The following SYT11 variants were observed in gnomAD, a reference collection of about 807,000 sequenced individuals.
The protein encoded by SYT11 is synaptotagmin 11, also known as synaptotagmin-11.
A neutral mutation model predicts 30.4 loss-of-function variants in SYT11; 12 were observed. The ratio of observed to expected loss-of-function variants is 0.39; its 90% CI spans 0.25 to 0.64. The LOEUF is 0.64. SYT11 is among the 30% of genes least tolerant of loss of function. SYT11 has a pLI of 0.45. For synonymous variants in SYT11, 204 were observed against 216.0 expected (o/e 0.94, Z 0.49); for missense variants, 412 against 552.0 (o/e 0.75, Z 2.54).
intron 2 of SYT11, among the ~76,000 whole-genome samples, chr1:155,873,507 C>T (rs1255915783): frequency 2.0e-5 from 3 of 152,180 alleles, no homozygotes; most frequent in Non-Finnish European, 2.9e-5. Context: ...TTAAAGACTG[C>T]ATATTTAGTA....
rs142925260 is a variant in SYT11, at chr1:155,868,141, A to C, written c.211A>C (p.Asn71His). 2.3e-4 allele frequency: 366 copies of C among 1,613,928 alleles called. 1 individual carries two copies. Among genetic ancestry groups the C allele is most frequent in the Admixed American group, 2.2e-4 (13 of 59,984 alleles). Residue 71 changes from asparagine (N) to histidine (H), a missense_variant, in exon 2 of 4, where the codon AAC (asparagine) becomes CAC (histidine). By Grantham distance (68) the Asn-to-His change is moderately conservative (BLOSUM62 1). Coordinates refer to ENST00000368324, the MANE Select transcript of SYT11 (RefSeq NM_152280.5). This position sits in a 1 kb window ranked among gnomAD's most constrained non-coding sequence, Gnocchi z 4.7. ...GISIYPETLS[N>H]KKKIIKVRRD... ...CAGCATATACCCAGAGACCCTCAGCAACAAGAAGAAAATCATCAAAGTGCG... is the reference window on the plus strand; with the variant it reads ...CAGCATATACCCAGAGACCCTCAGCCACAAGAAGAAAATCATCAAAGTGCG...
intron 2 of SYT11, among the ~76,000 whole-genome samples, chr1:155,874,011 T>C (rs1672819531): frequency 6.6e-6 from 1 of 152,362 alleles, no homozygotes; most frequent in South Asian, 2.1e-4. Context: ...AATTCAAAAC[T>C]GGCTGAGGGC....
At chr1:155,865,623 T>G (rs1672660248) in intron 1 of SYT11, among the ~76,000 whole-genome samples, 2 of 149,204 alleles carry the variant, frequency 1.3e-5, no homozygotes, top group African/African-American at 4.9e-5. Context: ...AGCAAAACTC[T>G]GTCTCAAAAA....
intron 2 of SYT11, among the ~76,000 whole-genome samples, chr1:155,874,665 C>T (rs1053413483): frequency 2.7e-5 from 4 of 149,822 alleles, no homozygotes; most frequent in South Asian, 2.1e-4. Flanking sequence ...CCGAGGCAGG[C>T]GGATCACGAG....
Position 155,880,366 on chromosome 1 carries a change from G to T in SYT11, c.862-134G>T. 3 of 951,108 alleles carry T rather than the reference G, an allele frequency of 3.2e-6. No individual in the cohort carries two copies. The South Asian group carries it at 5.5e-5, about 17-fold the overall frequency. 58.9% of individuals were successfully genotyped at this position (951,108 alleles called of 1,614,324 possible). A position where few individuals can be genotyped will look rare whatever the true frequency, so the allele number is the denominator to read the frequency against. ...ATAAAATCATAACACCTTTCCAGGG[G>T]ATGAGCATCTTTCCAAAAAACTTAT... On this transcript the variant is annotated intron_variant, in intron 2 of 3. Coordinates refer to ENST00000368324, the MANE Select transcript of SYT11 (RefSeq NM_152280.5).
chr1:155,868,081 C>T lies in SYT11; in HGVS notation c.151C>T (p.Pro51Ser). The change falls in exon 2 of 4, where the codon CCA (proline) becomes TCA (serine). Residue 51 changes from proline (P) to serine (S), a missense_variant. By Grantham distance (74) the Pro-to-Ser change is moderately conservative. Coordinates refer to ENST00000368324, the MANE Select transcript of SYT11 (RefSeq NM_152280.5). The surrounding 1 kb of genome is among the most constrained non-coding windows in gnomAD (Gnocchi z 4.7). ...HQQAEKKQKN[P>S]PYKFIHMLKG... is the part of the protein sequence containing the mutation. ...GCAGGCAGAGAAGAAGCAGAAGAAC[C>T]CACCATACAAGTTTATTCACATGCT... The T allele has an allele frequency of 6.2e-7, 1 of 1,614,044 alleles. No homozygotes were observed. The highest frequency in any genetic ancestry group is 1.3e-5 in the African/African-American group (1 of 74,968).
chr1:155,869,325 C>A (rs1304823052), intron 2 of SYT11, among the ~76,000 whole-genome samples: 1 of 121,344 alleles, frequency 8.2e-6, no homozygotes, highest in African/African-American at 3.1e-5. Context: ...GGCTGGAGTG[C>A]AATGGCGCAA....
rs1294729485 is a variant in SYT11 at position 155,881,287 on chromosome 1, T to G, written c.1075T>G (p.Phe359Val). Reference sequence around the variant, plus strand: ...GAAGAAGTGCACTTTGAACCCCATCTTCAATGAATCTTTCATCTACGACAT... The same window carrying G: ...GAAGAAGTGCACTTTGAACCCCATCGTCAATGAATCTTTCATCTACGACAT... ...HVKKCTLNPIFNESFIYDIPT... is the reference protein window; with the variant it reads ...HVKKCTLNPIVNESFIYDIPT... Residue 359 changes from phenylalanine to valine, a missense_variant, in exon 4 of 4, where the codon TTC (phenylalanine) becomes GTC (valine). Coordinates refer to ENST00000368324, the MANE Select transcript of SYT11 (RefSeq NM_152280.5). 1 of 1,614,210 alleles carries G rather than the reference T, an allele frequency of 6.2e-7. No homozygotes were observed. The highest frequency in any genetic ancestry group is 1.7e-5 in the Admixed American group (1 of 60,024).
chr1:155,871,614 G>T (rs1672781845), intron 2 of SYT11, among the ~76,000 whole-genome samples: 1 of 152,232 alleles, frequency 6.6e-6, no homozygotes, highest in South Asian at 2.1e-4. Flanking sequence ...TAAGCTGCCA[G>T]GGGCTCTTGG....
chr1:155,864,551 A>G (rs1268169688), intron 1 of SYT11, among the ~76,000 whole-genome samples: 1 of 152,212 alleles, frequency 6.6e-6, no homozygotes, highest in African/African-American at 2.4e-5. Context: ...AAGGGAAAAC[A>G]GTAGGCATTA....
chr1:155,871,349 T>G (rs138757779), intron 2 of SYT11, among the ~76,000 whole-genome samples: 59 of 152,284 alleles, frequency 3.9e-4, no homozygotes, highest in African/African-American at 1.3e-3. Context: ...CTCTACTCCT[T>G]CCCTTGTCTA....
At chr1:155,880,199 A>G (rs912718391) in intron 2 of SYT11, among the ~76,000 whole-genome samples, 3 of 152,180 alleles carry the variant, frequency 2.0e-5, no homozygotes, top group Admixed American at 6.5e-5. Flanking sequence ...CTCAAAAAAA[A>G]AGAGAAATAG....
chr1:155,866,847 A>G (rs1380583816), intron 1 of SYT11, among the ~76,000 whole-genome samples: 1 of 152,196 alleles, frequency 6.6e-6, no homozygotes, highest in East Asian at 1.9e-4. Flanking sequence ...TTAAGGTAAT[A>G]ATAATGAAAA....
intron 1 of SYT11, among the ~76,000 whole-genome samples, chr1:155,861,873 C>T (rs1320934751): frequency 2.0e-5 from 3 of 152,204 alleles, no homozygotes; most frequent in African/African-American, 7.2e-5. Context: ...CTACCTTGGC[C>T]TCCCAAAGTC....
chr1:155,870,727 G>A (rs2102559701), intron 2 of SYT11, among the ~76,000 whole-genome samples: 1 of 152,296 alleles, frequency 6.6e-6, no homozygotes, highest in Non-Finnish European at 1.5e-5. Context: ...GAAGGGTACT[G>A]TGCCAAGTCT....
intron 2 of SYT11, among the ~76,000 whole-genome samples, 170 bp from the exon 3 acceptor site, chr1:155,880,330 C>T (rs896553359): frequency 6.6e-6 from 1 of 152,126 alleles, no homozygotes; most frequent in African/African-American, 2.4e-5. Context: ...TCCTTTCTCC[C>T]TCCTTGTTAA....
At position 155,877,947 on chromosome 1, in the gene SYT11, A is replaced by G. The variant is rs1672894769; in HGVS notation, c.862-2553A>G. The stretch of plus-strand genomic sequence containing the variant: ...CTCTGAAATAATAATAATTTTAATA[A>G]AATGATGACAACTGGCCAGGCATGG... On this transcript the variant is annotated intron_variant, in intron 2 of 3. Coordinates refer to ENST00000368324, the MANE Select transcript of SYT11 (RefSeq NM_152280.5). 2.0e-5 allele frequency among the ~76,000 whole-genome samples: 3 copies of G among 152,142 alleles called. No homozygotes were observed. In the South Asian group the frequency reaches 6.2e-4, roughly 32 times the overall value.
Position 155,860,787 on chromosome 1 carries a change from C to A in SYT11, c.34+992C>A, listed in dbSNP as rs887155336. Among the ~76,000 whole-genome samples, 14 of 152,162 alleles carry A rather than the reference C, an allele frequency of 9.2e-5. No homozygotes were observed. The highest frequency in any genetic ancestry group is 3.4e-4 in the African/African-American group (14 of 41,436). On this transcript the variant is annotated intron_variant, in intron 1 of 3. Transcript: ENST00000368324. This position sits in a 1 kb window ranked among gnomAD's most constrained non-coding sequence, Gnocchi z 4.1. ...TAGGGAAGAAGGTGGCAAAGACAAGCTTGAGAAGGAAGTTTTTTCCTCTTT... is the reference window on the plus strand; with the variant it reads ...TAGGGAAGAAGGTGGCAAAGACAAGATTGAGAAGGAAGTTTTTTCCTCTTT...
chr1:155,880,545 C>G lies in SYT11; in HGVS notation c.907C>G (p.Pro303Ala), dbSNP rs1196068668. 1 of 1,614,090 alleles carries G rather than the reference C, an allele frequency of 6.2e-7. No homozygotes were observed. Among genetic ancestry groups the G allele is most frequent in the Non-Finnish European group, 8.5e-7 (1 of 1,179,958 alleles). ...GELQVSLSYQ[P>A]VAQRMTVVVL... Reference sequence around the variant, plus strand: ...GCTCCAGGTGTCTCTGTCATATCAGCCTGTGGCACAGAGAATGACAGTGGT... The same window carrying G: ...GCTCCAGGTGTCTCTGTCATATCAGGCTGTGGCACAGAGAATGACAGTGGT... The change falls in exon 3 of 4, where the codon CCT (proline) becomes GCT (alanine). Residue 303 changes from proline (P) to alanine (A), a missense_variant. By Grantham distance (27) the Pro-to-Ala change is conservative (BLOSUM62 -1). Coordinates refer to ENST00000368324, the MANE Select transcript of SYT11 (RefSeq NM_152280.5).
Sources: allele counts gnomAD v4.1 joint callset (sites outside exome capture counted in the v4.1 genomes callset), GRCh38; gene constraint gnomAD v4.1.1; non-coding constraint Gnocchi (gnomAD v3.1); transcripts MANE v1.5; gene names NCBI Gene and HGNC (gene_info 2026-07-23, HGNC 2026-07-21).